The following LAP3 variants were observed in gnomAD, a reference collection of about 807,000 sequenced individuals.
LAP3 encodes the protein cytosol aminopeptidase.
A neutral mutation model predicts 58.8 loss-of-function variants in LAP3; 46 were observed. The observed-to-expected ratio is 0.78, with a 90% confidence interval of 0.62 to 1.00. The LOEUF (loss-of-function observed/expected upper bound fraction) is 1.00. Ranked by LOEUF, LAP3 falls within the 50% of genes least tolerant of loss-of-function variation. LAP3 has a pLI of 0.00. For missense variants in LAP3, 615 were observed against 659.1 expected (o/e 0.93, Z 0.73); for synonymous variants, 257 against 237.7 (o/e 1.08, Z -0.75).
rs372635146 is a variant in LAP3 at position 17,598,568 on chromosome 4, C to T, written c.1180+10C>T. 1.8e-5 allele frequency: 28 copies of T among 1,580,880 alleles called. No homozygotes were observed. Among genetic ancestry groups the T allele is most frequent in the Middle Eastern group, 1.7e-4 (1 of 6,018 alleles). ...GCCGCCACCTTAACAGGTCAGACCG[C>T]GCACTTGCCTTGATTTTGTTTGAAG... On this transcript the variant is annotated intron_variant, in intron 10 of 12. Transcript: ENST00000226299.
At chr4:17,589,022 G>A (rs769852190) in intron 7 of LAP3, 45 bp downstream of exon 7, 131 of 1,582,756 alleles carry the variant, frequency 8.3e-5, no homozygotes, top group Non-Finnish European at 1.1e-4. Flanking sequence ...TGAATTATTT[G>A]TGTGCAGTTT....
rs751700094 is a variant in LAP3, at chr4:17,598,503, C to T, written c.1125C>T (p.Leu375=). 1.9e-6 allele frequency: 3 copies of T among 1,614,074 alleles called. No individual in the cohort carries two copies. Among genetic ancestry groups the T allele is most frequent in the African/African-American group, 2.7e-5 (2 of 74,938 alleles). ...AEGRLILADA[L]CYAHTFNPKV... ...GGAGGCTCATACTGGCTGATGCGCT[C>T]TGTTACGCACACACGTTTAACCCGA... The change falls in exon 10 of 13, where the codon CTC becomes CTT. Residue 375 remains leucine, a synonymous_variant. Transcript: ENST00000226299.
chr4:17,584,422 G>A (rs1713449855), intron 5 of LAP3, among the ~76,000 whole-genome samples: 1 of 152,252 alleles, frequency 6.6e-6, no homozygotes, highest in African/African-American at 2.4e-5. Flanking sequence ...CATAGGAAGA[G>A]CCAGGGTTGT....
At chr4:17,580,185 T>TATATATATATATATATATGTATGTA in intron 2 of LAP3, among the ~76,000 whole-genome samples, 1 of 32,076 alleles carries the variant, frequency 3.1e-5, no homozygotes, top group African/African-American at 1.8e-4. Flanking sequence ...TATATATGTA[T>TATATATATATATATATATGTATGTA]TTTTTTTTTT....
At chr4:17,604,177 C>T (rs146979045) in intron 10 of LAP3, among the ~76,000 whole-genome samples, 2,324 of 147,378 alleles carry the variant, frequency 0.016, 67 homozygotes, top group African/African-American at 0.055. Flanking sequence ...GAGGCTGAGG[C>T]GGAAGGATCA....
Position 17,582,387 on chromosome 4 carries a change from G to C in LAP3, c.373G>C (p.Val125Leu), listed in dbSNP as rs150285021. The C allele has an allele frequency of 9.3e-6, 15 of 1,611,700 alleles. No homozygotes were observed. The highest frequency in any genetic ancestry group is 1.3e-5 in the Non-Finnish European group (15 of 1,178,390). The change falls in exon 4 of 13, where the codon GTT (valine) becomes CTT (leucine). Residue 125 changes from valine to leucine, a missense_variant. Transcript: ENST00000226299. ...AGGCAAAGAAAACATCAGAGCTGCT[G>C]TTGCAGGTTATTTCACTTTTTAAGT... The part of the protein sequence containing the change: ...HEGKENIRAA[V>L]AAGCRQIQDL...
chr4:17,587,335 CA>C (rs1713546803), intron 6 of LAP3: 1 of 152,266 alleles, frequency 6.6e-6, no homozygotes, highest in African/African-American at 2.4e-5. Flanking sequence ...CAGAGAAACA[CA>C]GGCAGTTCTT....
In LAP3 at chr4:17,577,287, G is replaced by A. The variant is rs937819507; in HGVS notation, c.-179G>A. ...TCCACAACCGCGGTTTGATCCCAGC[G>A]GTCCAGTCGGCCGGTGCTGCCCATC... is the stretch of plus-strand genomic sequence containing the variant. On this transcript the variant is annotated 5_prime_UTR_variant, in exon 1 of 13. Coordinates refer to ENST00000226299, the MANE Select transcript of LAP3 (RefSeq NM_015907.3). 4.8e-5 allele frequency: 6 copies of A among 124,732 alleles called. No individual in the cohort carries two copies. In the East Asian group the frequency reaches 1.2e-3, roughly 25 times the overall value. The allele number at this position is 124,732 out of a possible 1,614,324, so 7.7% of individuals were successfully genotyped here. A position where few individuals can be genotyped will look rare whatever the true frequency, so the allele number is the denominator to read the frequency against.
intron 5 of LAP3, chr4:17,584,746 A>G (rs188733117): frequency 1.8e-5 from 7 of 395,814 alleles, no homozygotes; most frequent in African/African-American, 4.1e-5. Flanking sequence ...CTGACCGGAT[A>G]CCCTCTGGTT....
chr4:17,582,255 TAA>T, intron 3 of LAP3, 31 bp from the exon 4 acceptor site: 1 of 1,537,330 alleles, frequency 6.5e-7, no homozygotes, highest in Non-Finnish European at 9.0e-7. Flanking sequence ...TTGAAAGAAA[TAA>T]AGTGGTTGAT....
chr4:17,595,394 GT>G lies in LAP3; in HGVS notation c.864-15del, dbSNP rs1713805348. ...TTCTTTGCTCTTAATATTGCACGTTGTCCATTTCCCCATAGTGGTGGTATCT... is the reference window on the plus strand; with the variant it reads ...TTCTTTGCTCTTAATATTGCACGTTGCCATTTCCCCATAGTGGTGGTATCT... On this transcript the variant is annotated splice_polypyrimidine_tract_variant and intron_variant, in intron 7 of 12. Transcript: ENST00000226299. 1 of 1,612,518 alleles carries G rather than the reference GT, an allele frequency of 6.2e-7. No homozygotes were observed. The highest frequency in any genetic ancestry group is 1.7e-5 in the Admixed American group (1 of 59,828).
chr4:17,588,229 C>G (rs185673838), intron 6 of LAP3, among the ~76,000 whole-genome samples: 4 of 151,608 alleles, frequency 2.6e-5, no homozygotes, highest in Admixed American at 2.0e-4. Context: ...GAGACCAAGT[C>G]TCAACTTGTT....
At chr4:17,584,613 G>A (rs935827892) in intron 5 of LAP3, among the ~76,000 whole-genome samples, 10 of 152,324 alleles carry the variant, frequency 6.6e-5, no homozygotes, top group African/African-American at 2.2e-4. Flanking sequence ...ATACAGTGAA[G>A]GAGAACAAAA....
intron 9 of LAP3, among the ~76,000 whole-genome samples, chr4:17,597,424 G>C (rs757680450): frequency 6.6e-6 from 1 of 152,236 alleles, no homozygotes; most frequent in East Asian, 1.9e-4. Flanking sequence ...CCACAGGTGC[G>C]TGCCACCATG....
chr4:17,607,883 G>C lies in LAP3; in HGVS notation c.*294G>C, dbSNP rs986195678. 1 of 221,892 alleles carries C rather than the reference G, an allele frequency of 4.5e-6. No homozygotes were observed. The highest frequency in any genetic ancestry group is 8.9e-6 in the Non-Finnish European group (1 of 112,994). The allele number at this position is 221,892 out of a possible 1,614,324, so 13.7% of individuals were successfully genotyped here. ...ATGTTTTTCATTGAGAAGCAAAATT[G>C]TAACTCAGATTTGTGATGCTAGGAA... On this transcript the variant is annotated 3_prime_UTR_variant, in exon 13 of 13. Transcript: ENST00000226299.
intron 2 of LAP3, among the ~76,000 whole-genome samples, chr4:17,581,109 G>A (rs1713349562): frequency 6.6e-6 from 1 of 152,162 alleles, no homozygotes; most frequent in South Asian, 2.1e-4. Flanking sequence ...CTGTGCTACG[G>A]GCCTCTTATA....
intron 7 of LAP3, among the ~76,000 whole-genome samples, chr4:17,590,297 C>A (rs893488531): frequency 2.6e-5 from 4 of 152,282 alleles, no homozygotes; most frequent in Admixed American, 2.6e-4. Flanking sequence ...TCCCCTTGTA[C>A]ATTTTTGTGC....
At chr4:17,607,192 A>G (rs1299410907) in intron 12 of LAP3, among the ~76,000 whole-genome samples, 2 of 152,242 alleles carry the variant, frequency 1.3e-5, no homozygotes, top group Admixed American at 6.5e-5. Context: ...ATTCATTACC[A>G]TAGCAAAAAG....
At chr4:17,595,667 CT>C (rs1713811267) in intron 8 of LAP3, 133 bp downstream of exon 8, 1 of 1,046,734 alleles carries the variant, frequency 9.6e-7, no homozygotes, top group Non-Finnish European at 1.4e-6. Flanking sequence ...CAAGCAGTAG[CT>C]ATTTAGCCCA....
Sources: gnomAD v4.1 joint callset for allele counts (sites outside exome capture counted in the v4.1 genomes callset) on GRCh38, gnomAD v4.1.1 for gene constraint, MANE v1.5 for transcripts, NCBI Gene and HGNC (gene_info 2026-07-23, HGNC 2026-07-21) for gene names.